Variants in LRRIQ1 observed in about 807,000 individuals in gnomAD.
LRRIQ1 encodes the protein leucine-rich repeat- and IQ domain-containing protein 1.
A neutral mutation model predicts 211.9 loss-of-function variants in LRRIQ1; 210 were observed. The observed-to-expected ratio is 0.99, with a 90% confidence interval of 0.89 to 1.11. The LOEUF (loss-of-function observed/expected upper bound fraction) is 1.11. Among genes scored for constraint, LRRIQ1 ranks in the 50% most tolerant of loss-of-function variants. The pLI, the probability that LRRIQ1 is intolerant of heterozygous loss-of-function variation, is 0.00. For missense variants in LRRIQ1, 2,136 were observed against 1,939.5 expected, an observed-to-expected ratio of 1.10 and a Z score of -1.90; for synonymous variants, 699 against 650.1, an observed-to-expected ratio of 1.08 and a Z score of -1.14.
At chr12:85,160,809 GTA>G in intron 24 of LRRIQ1, 95 bp downstream of exon 24, 1 of 538,444 alleles carries the variant, frequency 1.9e-6, no homozygotes, top group Non-Finnish European at 2.9e-6. Flanking sequence ...TAATCATAAA[GTA>G]TATATATAAA....
intron 1 of LRRIQ1, among the ~76,000 whole-genome samples, chr12:85,037,423 A>T (rs545917573): frequency 6.6e-6 from 1 of 152,118 alleles, no homozygotes; most frequent in East Asian, 1.9e-4. Flanking sequence ...TTTTAAATGC[A>T]CTTTGAGTTC....
intron 25 of LRRIQ1, among the ~76,000 whole-genome samples, chr12:85,232,394 A>G (rs1894984172): frequency 6.6e-6 from 1 of 152,132 alleles, no homozygotes; most frequent in African/African-American, 2.4e-5. Context: ...GAAGAATTCT[A>G]TAATTTGTTA....
chr12:85,116,504 A>C (rs923876805), intron 15 of LRRIQ1, among the ~76,000 whole-genome samples: 1 of 151,496 alleles, frequency 6.6e-6, no homozygotes. Flanking sequence ...GCTTACCCCA[A>C]CCTATCAGCA....
chr12:85,114,081 G>A (rs1313838341), intron 15 of LRRIQ1, among the ~76,000 whole-genome samples: 1 of 151,978 alleles, frequency 6.6e-6, no homozygotes, highest in East Asian at 1.9e-4. Flanking sequence ...TTTACACTGG[G>A]TTTAAAGTAC....
At position 85,153,099 on chromosome 12, in the gene LRRIQ1, G is replaced by T; in HGVS notation, c.4495G>T (p.Asp1499Tyr). The change falls in exon 21 of 27, where the codon GAC (aspartate) becomes TAC (tyrosine). Residue 1499 changes from aspartate to tyrosine, a missense_variant. Coordinates refer to ENST00000393217, the MANE Select transcript of LRRIQ1 (RefSeq NM_001079910.2). ...SNPAQAWLCN[D>Y]KENLSSSEHT... ...TCCAGCTCAAGCATGGTTATGTAAT[G>T]ACAAAGAAAATTTGTCTTCTTCAGA... is the stretch of plus-strand genomic sequence containing the variant. 1 of 1,589,738 alleles carries T rather than the reference G, an allele frequency of 6.3e-7. No individual in the cohort carries two copies. The highest frequency in any genetic ancestry group is 1.2e-5 in the South Asian group (1 of 86,646).
chr12:85,132,672 G>A (rs1021770050), intron 18 of LRRIQ1, among the ~76,000 whole-genome samples: 1 of 151,922 alleles, frequency 6.6e-6, no homozygotes, highest in Non-Finnish European at 1.5e-5. Context: ...TTGTGGTAGG[G>A]GATCTCTTGA....
chr12:85,261,751 T>C (rs1042154268), intron 1 of LRRIQ1, among the ~76,000 whole-genome samples: 1 of 149,154 alleles, frequency 6.7e-6, no homozygotes, highest in Non-Finnish European at 1.5e-5. Flanking sequence ...TCATAATTTT[T>C]ATTTTTTTGT....
downstream of LRRIQ1, among the ~76,000 whole-genome samples, chr12:85,264,612 T>A (rs1896384664): frequency 6.6e-6 from 1 of 152,098 alleles, no homozygotes; most frequent in Non-Finnish European, 1.5e-5. Context: ...ACTGAAATTT[T>A]AAAAATTGGA....
chr12:85,124,135 G>A lies in LRRIQ1; in HGVS notation c.3623G>A (p.Ser1208Asn). 2 of 1,613,996 alleles carry A rather than the reference G, an allele frequency of 1.2e-6. No individual in the cohort carries two copies. The highest frequency in any genetic ancestry group is 1.7e-6 in the Non-Finnish European group (2 of 1,179,956). Residue 1208 changes from serine (S) to asparagine (N), a missense_variant, in exon 17 of 27, where the codon AGT becomes AAT. Ser to Asn is a conservative substitution (Grantham distance 46). Transcript: ENST00000393217. ...TATTTTAAGAAATTGATGATACTTA[G>A]TACTGAATACCGACATGCACACGAA... ...CHYFKKLMIL[S>N]TEYRHAHERG... is the part of the protein sequence containing the mutation.
At chr12:85,120,559 A>G (rs1887897386) in intron 15 of LRRIQ1, among the ~76,000 whole-genome samples, 1 of 152,178 alleles carries the variant, frequency 6.6e-6, no homozygotes, top group African/African-American at 2.4e-5. Context: ...GTTGATATCC[A>G]CAAAATACCT....
rs768755326 is a variant in LRRIQ1 at position 85,154,007 on chromosome 12, A to G, written c.4638-5A>G. 8 of 1,532,638 alleles carry G rather than the reference A, an allele frequency of 5.2e-6. No homozygotes were observed. The Admixed American group carries it at 1.7e-4, about 32-fold the overall frequency. 94.9% of individuals were successfully genotyped at this position (1,532,638 alleles called of 1,614,324 possible). On this transcript the variant is annotated splice_region_variant and splice_polypyrimidine_tract_variant and intron_variant, in intron 22 of 26. Transcript: ENST00000393217. ...TTACCTTTATTATATTTAATCTTTT[A>G]ATAGGGGCTTTAAGGATATTTCTAC...
chr12:85,191,045 T>C (rs868382733), intron 24 of LRRIQ1, among the ~76,000 whole-genome samples: 2 of 151,990 alleles, frequency 1.3e-5, no homozygotes, highest in Non-Finnish European at 2.9e-5. Flanking sequence ...TATTTTAGTA[T>C]AGTTTATGTC....
intron 16 of LRRIQ1, among the ~76,000 whole-genome samples, chr12:85,122,151 A>G (rs944514586): frequency 3.3e-5 from 5 of 152,170 alleles, no homozygotes; most frequent in South Asian, 4.1e-4. Context: ...GCAAAAATTC[A>G]TAATTATTCA....
chr12:85,157,055 A>G (rs921692675), intron 23 of LRRIQ1, among the ~76,000 whole-genome samples: 1 of 151,918 alleles, frequency 6.6e-6, no homozygotes, highest in Non-Finnish European at 1.5e-5. Context: ...AGTCAATAAT[A>G]TTTTATTTAT....
chr12:85,098,744 TTATGA>T, intron 12 of LRRIQ1, 118 bp from the exon 13 acceptor site: 1 of 736,336 alleles, frequency 1.4e-6, no homozygotes, highest in East Asian at 2.9e-5. Flanking sequence ...GTCTTATACC[TTATGA>T]TATGCACTTT....
intron 11 of LRRIQ1, 133 bp from the exon 12 acceptor site, chr12:85,098,222 G>T (rs1224189629): frequency 3.4e-6 from 2 of 580,796 alleles, no homozygotes; most frequent in Non-Finnish European, 5.9e-6. Context: ...CAGGAATTTG[G>T]ACTAAGTCCT....
chr12:85,239,113 T>TA (rs1290461575), intron 26 of LRRIQ1, among the ~76,000 whole-genome samples: 1 of 152,054 alleles, frequency 6.6e-6, no homozygotes, highest in Non-Finnish European at 1.5e-5. Flanking sequence ...TTCAGAGACA[T>TA]ACCATATTTA....
chr12:85,042,605 A>G (rs1879028898), intron 3 of LRRIQ1, among the ~76,000 whole-genome samples: 1 of 150,178 alleles, frequency 6.7e-6, no homozygotes, highest in East Asian at 1.9e-4. Flanking sequence ...TTATGTATTC[A>G]TTCTTATATG....
rs371843405 is a variant in LRRIQ1 at position 85,175,823 on chromosome 12, C to T, written c.4822+15109C>T. 1.1e-4 allele frequency among the ~76,000 whole-genome samples: 16 copies of T among 151,984 alleles called. No individual in the cohort carries two copies. The East Asian group carries it at 1.2e-3, about 11-fold the overall frequency. On this transcript the variant is annotated intron_variant, in intron 24 of 26. Coordinates refer to ENST00000393217, the MANE Select transcript of LRRIQ1 (RefSeq NM_001079910.2). ...CAAAGATCAGATAGTTGGAGATATG[C>T]GGCATTATTTCTGAGGGCTCTGTTC...
Sources: allele counts gnomAD v4.1 joint callset (sites outside exome capture counted in the v4.1 genomes callset), GRCh38; gene constraint gnomAD v4.1.1; transcripts MANE v1.5; gene names NCBI Gene and HGNC (gene_info 2026-07-23, HGNC 2026-07-21).